Variants in ADAMTS19 observed in about 807,000 individuals in gnomAD.
ADAMTS19 encodes the protein A disintegrin and metalloproteinase with thrombospondin motifs 19.
In ADAMTS19, 93 loss-of-function variants were observed where a neutral mutation model predicts 153.3. The ratio of observed to expected loss-of-function variants is 0.61; its 90% CI spans 0.51 to 0.72. The LOEUF (loss-of-function observed/expected upper bound fraction) is 0.72, where lower values mean the gene tolerates loss of function less well. Among genes scored for constraint, ADAMTS19 ranks in the 30% least tolerant of loss-of-function variants. ADAMTS19 has a pLI of 0.00. For synonymous variants in ADAMTS19, 600 were observed against 556.6 expected (o/e 1.08, Z -1.10); for missense variants, 1,482 against 1,552.1 (o/e 0.95, Z 0.76).
Position 129,461,256 on chromosome 5 carries a change from T to C in ADAMTS19, c.246T>C (p.Ala82=). The C allele has an allele frequency of 7.9e-7, 1 of 1,264,036 alleles. No individual in the cohort carries two copies. Among genetic ancestry groups the C allele is most frequent in the Non-Finnish European group, 9.9e-7 (1 of 1,010,278 alleles). The allele number at this position is 1,264,036 out of a possible 1,614,324, so 78.3% of individuals were successfully genotyped here. The stretch of plus-strand genomic sequence containing the variant: ...GCGGCGGAAGCGCCCGGGCGCAGGC[T>C]GCCGGCAGCTCACGCGAGGTGCGCT... ...VGGGGSARAQ[A]AGSSREVRSV... is the part of the protein sequence containing the mutation. Residue 82 remains alanine (A), a synonymous_variant, in exon 2 of 23, where the codon GCT becomes GCC. Coordinates refer to ENST00000274487, the MANE Select transcript of ADAMTS19 (RefSeq NM_133638.6). This position sits in a 1 kb window ranked among gnomAD's most constrained non-coding sequence, Gnocchi z 4.6.
At chr5:129,656,628 C>T (rs1753558476) in intron 14 of ADAMTS19, among the ~76,000 whole-genome samples, 1 of 152,240 alleles carries the variant, frequency 6.6e-6, no homozygotes, top group Non-Finnish European at 1.5e-5. Context: ...AGTAGTTCAT[C>T]TTCAACTTTT....
intron 2 of ADAMTS19, chr5:129,500,446 T>C (rs1025569947): frequency 3.3e-5 from 5 of 152,104 alleles, no homozygotes; most frequent in African/African-American, 1.2e-4. Flanking sequence ...GGGAGACTCT[T>C]TTCTTCAGAG....
intron 14 of ADAMTS19, 36 bp downstream of exon 14, chr5:129,654,469 TG>T: frequency 6.3e-7 from 1 of 1,590,492 alleles, no homozygotes. Flanking sequence ...ATTTATATGT[TG>T]AAGGAAAATT....
At chr5:129,513,716 C>A (rs1751509218) in intron 3 of ADAMTS19, among the ~76,000 whole-genome samples, 1 of 151,886 alleles carries the variant, frequency 6.6e-6, no homozygotes, top group Non-Finnish European at 1.5e-5. Context: ...TATAGGCATG[C>A]ATTGTGAAAC....
At chr5:129,703,906 T>C (rs1287511303) in intron 20 of ADAMTS19, among the ~76,000 whole-genome samples, 1 of 152,204 alleles carries the variant, frequency 6.6e-6, no homozygotes, top group Non-Finnish European at 1.5e-5. Flanking sequence ...TACATAATTA[T>C]GTTTAAAATG....
intron 16 of ADAMTS19, among the ~76,000 whole-genome samples, chr5:129,676,514 G>T (rs73233636): frequency 0.024 from 3,619 of 151,888 alleles, 126 homozygotes; most frequent in African/African-American, 0.073. Flanking sequence ...CCAGTCAGGG[G>T]GTCTGGTAAA....
At chr5:129,545,004 A>G (rs759660343) in intron 6 of ADAMTS19, among the ~76,000 whole-genome samples, 17 of 152,134 alleles carry the variant, frequency 1.1e-4, no homozygotes, top group Non-Finnish European at 2.5e-4. Context: ...AGGCAACCAC[A>G]CTTAACATCC....
chr5:129,726,113 G>A (rs546243664), intron 21 of ADAMTS19, among the ~76,000 whole-genome samples: 25 of 152,204 alleles, frequency 1.6e-4, no homozygotes, highest in Admixed American at 1.4e-3. Context: ...AGCTGTTTAA[G>A]TTTGCTCTAA....
At chr5:129,467,992 TAA>T in intron 2 of ADAMTS19, among the ~76,000 whole-genome samples, 1 of 152,380 alleles carries the variant, frequency 6.6e-6, no homozygotes. Flanking sequence ...ATTGAGTGTG[TAA>T]AGAGATTCCC....
intron 7 of ADAMTS19, among the ~76,000 whole-genome samples, chr5:129,554,670 G>A (rs1753252003): frequency 6.6e-6 from 1 of 152,080 alleles, no homozygotes; most frequent in African/African-American, 2.4e-5. Context: ...CCAGTCTAAT[G>A]TTTGGGTTTC....
At chr5:129,633,360 T>C (rs1752392318) in intron 10 of ADAMTS19, among the ~76,000 whole-genome samples, 1 of 152,132 alleles carries the variant, frequency 6.6e-6, no homozygotes, top group Admixed American at 6.5e-5. Flanking sequence ...CAGGTTTGAA[T>C]TGTTTATTTA....
intron 2 of ADAMTS19, among the ~76,000 whole-genome samples, chr5:129,492,027 GTAATT>G (rs2126692076): frequency 6.6e-6 from 1 of 152,302 alleles, no homozygotes; most frequent in African/African-American, 2.4e-5. Context: ...CTGAGACCAG[GTAATT>G]TATAAAGAGG....
chr5:129,666,883 A>G (rs1401257618), intron 16 of ADAMTS19, among the ~76,000 whole-genome samples: 1 of 152,206 alleles, frequency 6.6e-6, no homozygotes, highest in Non-Finnish European at 1.5e-5. Context: ...GGAAAGGAAT[A>G]TAGATATCTC....
At chr5:129,694,916 A>G (rs188146074) in intron 19 of ADAMTS19, 61 bp downstream of exon 19, 311 of 1,380,318 alleles carry the variant, frequency 2.3e-4, no homozygotes, top group Admixed American at 7.1e-4. Context: ...GTCCTTTAAA[A>G]CATGCTCAGA....
intron 6 of ADAMTS19, among the ~76,000 whole-genome samples, chr5:129,529,416 G>A (rs1242565919): frequency 6.6e-6 from 1 of 152,036 alleles, no homozygotes; most frequent in Admixed American, 6.6e-5. Context: ...TAATACTAAA[G>A]GCAAATAATT....
At chr5:129,663,189 C>T (rs1046565267) in intron 15 of ADAMTS19, among the ~76,000 whole-genome samples, 3 of 152,252 alleles carry the variant, frequency 2.0e-5, no homozygotes, top group East Asian at 1.9e-4. Context: ...CCACCACGCC[C>T]GGCCCCATTC....
At chr5:129,555,598 C>T (rs1753285373) in intron 7 of ADAMTS19, among the ~76,000 whole-genome samples, 1 of 152,142 alleles carries the variant, frequency 6.6e-6, no homozygotes, top group South Asian at 2.1e-4. Flanking sequence ...TCTTCTATCT[C>T]ACAGAATGCT....
At chr5:129,674,256 A>AT (rs60428865) in intron 16 of ADAMTS19, among the ~76,000 whole-genome samples, 48 of 151,656 alleles carry the variant, frequency 3.2e-4, no homozygotes, top group South Asian at 6.3e-4. Flanking sequence ...CATTAAATCC[A>AT]TTTTTTTTAA....
At chr5:129,699,374 G>A (rs995993790) in intron 19 of ADAMTS19, among the ~76,000 whole-genome samples, 8 of 143,960 alleles carry the variant, frequency 5.6e-5, no homozygotes, top group African/African-American at 2.1e-4. Context: ...AGTGAGCCAA[G>A]ATTGTACCAT....
Sources: allele counts gnomAD v4.1 joint callset (sites outside exome capture counted in the v4.1 genomes callset), GRCh38; gene constraint gnomAD v4.1.1; non-coding constraint Gnocchi (gnomAD v3.1); transcripts MANE v1.5; gene names NCBI Gene and HGNC (gene_info 2026-07-23, HGNC 2026-07-21).